The following NR2E1 variants were observed in gnomAD, a reference collection of about 807,000 sequenced individuals.
NR2E1 encodes the protein nuclear receptor subfamily 2 group E member 1.
NR2E1 carries 5 observed loss-of-function variants against 43.6 expected under a neutral mutation model. The ratio of observed to expected loss-of-function variants is 0.11; its 90% CI spans 0.06 to 0.24. The LOEUF is 0.24. Among genes scored for constraint, NR2E1 ranks in the 10% least tolerant of loss-of-function variants. The pLI is 1.00. For synonymous variants in NR2E1, 191 were observed against 195.5 expected, an observed-to-expected ratio of 0.98 and a Z score of 0.19; for missense variants, 287 against 496.7, an observed-to-expected ratio of 0.58 and a Z score of 4.01.
intron 1 of NR2E1, among the ~76,000 whole-genome samples, chr6:108,170,588 A>T (rs1157840047): frequency 1.3e-5 from 2 of 151,882 alleles, no homozygotes; most frequent in Non-Finnish European, 2.9e-5. Context: ...TAGAGAAATC[A>T]GTCAGATTCT....
Position 108,174,851 on chromosome 6 carries a change from G to C in NR2E1, c.187G>C (p.Asp63His). 1 of 1,614,132 alleles carries C rather than the reference G, an allele frequency of 6.2e-7. No homozygotes were observed. The highest frequency in any genetic ancestry group is 1.7e-5 in the Admixed American group (1 of 60,034). ...KSGNQGGCPV[D>H]KTHRNQCRAC... ...TCTGTTCCAGGGAGGCTGTCCGGTG[G>C]ACAAGACGCACAGAAACCAGTGCAG... The change falls in exon 3 of 9, where the codon GAC becomes CAC. Residue 63 changes from aspartate to histidine, a missense_variant. Physicochemically the swap from Asp to His is moderately conservative, Grantham distance 81. Around this residue, in one of 4 missense-constraint regions of NR2E1, gnomAD observed 46 missense variants for 132.3 expected, o/e 0.35. Transcript: ENST00000368986.
intron 8 of NR2E1, among the ~76,000 whole-genome samples, chr6:108,186,773 C>G (rs914047032): frequency 6.6e-6 from 1 of 152,132 alleles, no homozygotes; most frequent in African/African-American, 2.4e-5. Context: ...CCCAACAGAA[C>G]TTAGTCTTTA....
rs1292627282 is a variant in NR2E1 at position 108,176,627 on chromosome 6, G to A, written c.384G>A (p.Pro128=). The A allele has an allele frequency of 3.7e-6, 6 of 1,610,892 alleles. No individual in the cohort carries two copies. The African/African-American group carries it at 6.7e-5, about 18-fold the overall frequency. ...TTCCCTCGGCGGCGCTCCCTGCGCC[G>A]GCCTTCTTCACCGCGGTCACGCAGC... ...AHFPSAALPA[P]AFFTAVTQLE... is the part of the protein sequence containing the mutation. The change falls in exon 4 of 9, where the codon CCG becomes CCA. Residue 128 remains proline, a synonymous_variant. Coordinates refer to ENST00000368986, the MANE Select transcript of NR2E1 (RefSeq NM_003269.5).
At chr6:108,185,741 A>C (rs951292529) in intron 8 of NR2E1, among the ~76,000 whole-genome samples, 3 of 152,228 alleles carry the variant, frequency 2.0e-5, no homozygotes, top group Admixed American at 2.0e-4. Context: ...TATGTAATAG[A>C]CAATTAATTT....
At position 108,188,502 on chromosome 6, in the gene NR2E1, AACACAC is replaced by A. The variant is rs373693807; in HGVS notation, c.*1084_*1089del. On this transcript the variant is annotated 3_prime_UTR_variant, in exon 9 of 9. Transcript: ENST00000368986. ...CTGGTTTCTAGTAAAGCCTTGAATG[AACACAC>A]ACACACACACACACACACACACACA... 2,030 of 133,024 alleles carry A rather than the reference AACACAC, an allele frequency of 0.015. 24 individuals are homozygous for A. The highest frequency in any genetic ancestry group is 0.034 in the African/African-American group (1,201 of 35,400). The allele number at this position is 133,024 out of a possible 1,614,324, so 8.2% of individuals were successfully genotyped here. A position where few individuals can be genotyped will look rare whatever the true frequency, so the allele number is the denominator to read the frequency against.
chr6:108,177,993 T>C, intron 4 of NR2E1, 102 bp from the exon 5 acceptor site: 1 of 1,305,928 alleles, frequency 7.7e-7, no homozygotes, highest in Non-Finnish European at 1.1e-6. Flanking sequence ...CCAAATTCTT[T>C]TTTATCCCCT....
At chr6:108,173,797 T>A (rs1773851621) in intron 2 of NR2E1, among the ~76,000 whole-genome samples, 1 of 152,168 alleles carries the variant, frequency 6.6e-6, no homozygotes, top group African/African-American at 2.4e-5. Flanking sequence ...TCTTTATGTA[T>A]CTATGCATAT....
chr6:108,174,664 T>A (rs1269426035), intron 2 of NR2E1, among the ~76,000 whole-genome samples, 172 bp from the exon 3 acceptor site: 14 of 152,114 alleles, frequency 9.2e-5, no homozygotes, highest in Non-Finnish European at 1.9e-4. Flanking sequence ...CCCTTCTCGA[T>A]CTGGCCCTGC....
chr6:108,176,718 C>T lies in NR2E1; in HGVS notation c.475C>T (p.Leu159=), dbSNP rs1773905871. 6.3e-7 allele frequency: 1 copy of T among 1,578,442 alleles called. No individual in the cohort carries two copies. The highest frequency in any genetic ancestry group is 8.6e-7 in the Non-Finnish European group (1 of 1,167,478). ...TCCAGAGCGGCAGACCCTCGTGAGCCTGGCTCAGCCCACGCCCAAGGTCAG... is the reference window on the plus strand; with the variant it reads ...TCCAGAGCGGCAGACCCTCGTGAGCTTGGCTCAGCCCACGCCCAAGGTCAG... The part of the protein sequence containing the change: ...TTPERQTLVS[L]AQPTPKYPHE... Residue 159 remains leucine (L), a synonymous_variant, in exon 4 of 9, where the codon CTG becomes TTG. Coordinates refer to ENST00000368986, the MANE Select transcript of NR2E1 (RefSeq NM_003269.5).
In NR2E1 at chr6:108,178,842, C is replaced by T. The variant is rs138349798; in HGVS notation, c.642+601C>T. The T allele has an allele frequency of 2.9e-3, 474 of 161,778 alleles. 1 individual carries two copies. Among genetic ancestry groups the T allele is most frequent in the African/African-American group, 0.011 (451 of 41,672 alleles). 10.0% of individuals were successfully genotyped at this position (161,778 alleles called of 1,614,324 possible). A position where few individuals can be genotyped will look rare whatever the true frequency, so the allele number is the denominator to read the frequency against. On this transcript the variant is annotated intron_variant, in intron 5 of 8. Coordinates refer to ENST00000368986, the MANE Select transcript of NR2E1 (RefSeq NM_003269.5). ...AACAAATAGGCATTTTGCTTAATTC[C>T]GTGGTTGTAAATGACATTCAGGGGA... is the stretch of plus-strand genomic sequence containing the variant.
chr6:108,185,696 A>G (rs919866522), intron 8 of NR2E1, among the ~76,000 whole-genome samples: 6 of 152,176 alleles, frequency 3.9e-5, no homozygotes, highest in East Asian at 1.9e-4. Flanking sequence ...GACCTCATAC[A>G]TTGCTATTGT....
Position 108,169,903 on chromosome 6 carries a change from C to G in NR2E1, c.26-1555C>G, listed in dbSNP as rs1278826499. On this transcript the variant is annotated intron_variant, in intron 1 of 8. Coordinates refer to ENST00000368986, the MANE Select transcript of NR2E1 (RefSeq NM_003269.5). The surrounding 1 kb of genome is among the most constrained non-coding windows in gnomAD (Gnocchi z 6.1). Reference sequence around the variant, plus strand: ...CTGGTGGCTCTATAGGCAGGTGCTGCCGCGGGGTTGTAATTACCCGGCCGA... The same window carrying G: ...CTGGTGGCTCTATAGGCAGGTGCTGGCGCGGGGTTGTAATTACCCGGCCGA... Among the ~76,000 whole-genome samples, 3 of 152,154 alleles carry G rather than the reference C, an allele frequency of 2.0e-5. No individual in the cohort carries two copies. The East Asian group carries it at 5.8e-4, about 29-fold the overall frequency.
intron 8 of NR2E1, among the ~76,000 whole-genome samples, chr6:108,183,771 A>G (rs1774031592): frequency 6.6e-6 from 1 of 152,228 alleles, no homozygotes. Context: ...GCACCTGTAT[A>G]TGTTTTTTCA....
rs925626794 is a variant in NR2E1 at position 108,188,548 on chromosome 6, C to T, written c.*1085C>T. 8 of 151,934 alleles carry T rather than the reference C, an allele frequency of 5.3e-5. No homozygotes were observed. The highest frequency in any genetic ancestry group is 1.0e-4 in the Non-Finnish European group (7 of 68,798). The allele number at this position is 151,934 out of a possible 1,614,324, so 9.4% of individuals were successfully genotyped here. On this transcript the variant is annotated 3_prime_UTR_variant, in exon 9 of 9. Transcript: ENST00000368986. ...ACACACACACACACACACACACACA[C>T]ACACCGTCCTACACTTTAAGCTGCT...
chr6:108,172,528 T>A (rs1562402877), intron 2 of NR2E1, among the ~76,000 whole-genome samples: 1 of 152,352 alleles, frequency 6.6e-6, no homozygotes, highest in East Asian at 1.9e-4. Context: ...CTTCTGGTCC[T>A]ACACTTTGCC....
Position 108,187,545 on chromosome 6 carries a change from C to A in NR2E1, c.*82C>A. ...GGAGAACAAGCCTCAACTAACAAAC[C>A]CTTCAGGAAGCATATACCGGGGAAT... is the stretch of plus-strand genomic sequence containing the variant. On this transcript the variant is annotated 3_prime_UTR_variant, in exon 9 of 9. Transcript: ENST00000368986. 6.8e-7 allele frequency: 1 copy of A among 1,461,986 alleles called. No individual in the cohort carries two copies. Among genetic ancestry groups the A allele is most frequent in the Non-Finnish European group, 9.6e-7 (1 of 1,046,574 alleles). The allele number at this position is 1,461,986 out of a possible 1,614,324, so 90.6% of individuals were successfully genotyped here.
chr6:108,186,087 C>G (rs1774071771), intron 8 of NR2E1, among the ~76,000 whole-genome samples: 1 of 152,092 alleles, frequency 6.6e-6, no homozygotes, highest in African/African-American at 2.4e-5. Flanking sequence ...TTGGGGATTA[C>G]TTTCCAAGAA....
intron 3 of NR2E1, chr6:108,175,982 T>A (rs2114675769): frequency 6.3e-6 from 1 of 157,910 alleles, no homozygotes; most frequent in East Asian, 1.9e-4. Context: ...ATCCCGGGGC[T>A]CGGGTCCTTT....
At position 108,180,145 on chromosome 6, in the gene NR2E1, A is replaced by G. The variant is rs1562405703; in HGVS notation, c.643-178A>G. 1.3e-5 allele frequency among the ~76,000 whole-genome samples: 2 copies of G among 152,232 alleles called. No homozygotes were observed. Among genetic ancestry groups the G allele is most frequent in the African/African-American group, 2.4e-5 (1 of 41,462 alleles). On this transcript the variant is annotated intron_variant, in intron 5 of 8. Transcript: ENST00000368986. This position sits in a 1 kb window ranked among gnomAD's most constrained non-coding sequence, Gnocchi z 5.4. ...GACTCTCAAATCCATATGCATATCT[A>G]TAGGCACCTTTTCAAAAGGAAAATA...
Sources: allele counts gnomAD v4.1 joint callset (sites outside exome capture counted in the v4.1 genomes callset), GRCh38; gene constraint gnomAD v4.1.1; regional missense constraint gnomAD v4.1.1; non-coding constraint Gnocchi (gnomAD v3.1); transcripts MANE v1.5; gene names NCBI Gene and HGNC (gene_info 2026-07-23, HGNC 2026-07-21).